FRMD4B: variants seen among roughly 807,000 people sequenced by gnomAD.
FRMD4B encodes FERM domain containing 4B.
A neutral mutation model predicts 141.5 loss-of-function variants in FRMD4B; 74 were observed. The observed-to-expected ratio is 0.52, with a 90% CI of 0.43 to 0.63. FRMD4B has a LOEUF of 0.63. Among genes scored for constraint, FRMD4B ranks in the 30% least tolerant of loss-of-function variants. The probability of loss-of-function intolerance (pLI) is 0.00; values close to 1 mark genes in which losing one functional copy is unlikely to be tolerated. For synonymous variants in FRMD4B, 506 were observed against 467.9 expected, an observed-to-expected ratio of 1.08 and a Z score of -1.05; for missense variants, 1,366 against 1,253.4, an observed-to-expected ratio of 1.09 and a Z score of -1.36.
rs572934765 is a variant in FRMD4B at position 69,426,370 on chromosome 3, C to T, written c.-1+6264G>A. Among the ~76,000 whole-genome samples the T allele has an allele frequency of 2.8e-4, 42 of 151,802 alleles. No homozygotes were observed. In the South Asian group the frequency reaches 7.7e-3, roughly 28 times the overall value. ...TGTGTGTGTGTTGGGTAAAGGATTA[C>T]GGAGATTAACATTCAAAAGACAGTC... On this transcript the variant is annotated intron_variant, in intron 2 of 5. Transcript: ENST00000459638.
intron 1 of FRMD4B, among the ~76,000 whole-genome samples, chr3:69,523,659 G>C (rs1700888643): frequency 6.6e-6 from 1 of 152,122 alleles, no homozygotes; most frequent in South Asian, 2.1e-4. Context: ...ATTTAGCAGT[G>C]TGAGAGGATG....
chr3:69,470,651 A>G (rs927587018), intron 1 of FRMD4B, among the ~76,000 whole-genome samples: 1 of 152,182 alleles, frequency 6.6e-6, no homozygotes, highest in African/African-American at 2.4e-5. Flanking sequence ...TAGAGTTGCA[A>G]CAAGTTATCT....
chr3:69,502,822 TCAAA>T (rs1199859955), intron 1 of FRMD4B, among the ~76,000 whole-genome samples: 1 of 151,732 alleles, frequency 6.6e-6, no homozygotes, highest in Non-Finnish European at 1.5e-5. Flanking sequence ...TACAAAGAAC[TCAAA>T]CAAATTTACA....
At chr3:69,362,626 G>A (rs1441716836) in intron 1 of FRMD4B, among the ~76,000 whole-genome samples, 3 of 151,828 alleles carry the variant, frequency 2.0e-5, no homozygotes, top group Admixed American at 6.6e-5. Flanking sequence ...GCAGTGAGCC[G>A]GGATCGTGCC....
chr3:69,372,161 G>GTGCCAAGCTCCTTCTCATCC (rs1463127131), intron 1 of FRMD4B, among the ~76,000 whole-genome samples: 1 of 152,144 alleles, frequency 6.6e-6, no homozygotes, highest in Non-Finnish European at 1.5e-5. Flanking sequence ...TGGTCTGCAC[G>GTGCCAAGCTCCTTCTCATCC]TGCCAAGCTC....
intron 4 of FRMD4B, among the ~76,000 whole-genome samples, chr3:69,288,218 G>A (rs926308140): frequency 1.2e-4 from 18 of 152,234 alleles, no homozygotes; most frequent in Non-Finnish European, 2.4e-4. Context: ...AGCTGAAGTC[G>A]GCTGAGCAAG....
intron 7 of FRMD4B, among the ~76,000 whole-genome samples, chr3:69,240,406 G>A (rs1032961880): frequency 2.1e-5 from 3 of 146,136 alleles, no homozygotes; most frequent in Non-Finnish European, 4.5e-5. Flanking sequence ...GCTTGAACCC[G>A]GGAGGCGGAG....
At chr3:69,534,687 A>G (rs1206903302) in intron 1 of FRMD4B, among the ~76,000 whole-genome samples, 1 of 152,200 alleles carries the variant, frequency 6.6e-6, no homozygotes, top group Non-Finnish European at 1.5e-5. Context: ...AGCTCATCTC[A>G]AGGCTCCCTT....
At chr3:69,253,323 C>A (rs2093475219) in intron 5 of FRMD4B, among the ~76,000 whole-genome samples, 1 of 150,968 alleles carries the variant, frequency 6.6e-6, no homozygotes, top group Admixed American at 6.6e-5. Context: ...CACTAGTTAA[C>A]TTTTTATGAC....
chr3:69,325,083 AAAAAAG>A (rs1702143327), intron 1 of FRMD4B, among the ~76,000 whole-genome samples: 3 of 143,312 alleles, frequency 2.1e-5, no homozygotes, highest in African/African-American at 8.1e-5. Context: ...TCTAAAAAAA[AAAAAAG>A]AAAGAAAGAA....
In FRMD4B at chr3:69,354,335, A is replaced by C. The variant is rs924779341; in HGVS notation, c.162+31493T>G. 2.6e-5 allele frequency among the ~76,000 whole-genome samples: 4 copies of C among 152,196 alleles called. No individual in the cohort carries two copies. In the East Asian group the frequency reaches 5.8e-4, roughly 22 times the overall value. On this transcript the variant is annotated intron_variant, in intron 1 of 22. Transcript: ENST00000398540. ...CATATAGAATACTGGAAAAATAATA[A>C]ATTTACTTTTTTTAAAAAAAGAGAA...
intron 4 of FRMD4B, among the ~76,000 whole-genome samples, chr3:69,289,412 G>C (rs1377205523): frequency 6.6e-6 from 1 of 152,084 alleles, no homozygotes; most frequent in Non-Finnish European, 1.5e-5. Context: ...ATTTTTCTCC[G>C]GAAACTGCTT....
At chr3:69,201,337 A>T (rs1435806547) in intron 11 of FRMD4B, among the ~76,000 whole-genome samples, 2 of 152,210 alleles carry the variant, frequency 1.3e-5, no homozygotes, top group Non-Finnish European at 2.9e-5. Context: ...TTTATTAATA[A>T]AAATAGGATG....
At chr3:69,189,601 T>C (rs990374843) in intron 18 of FRMD4B, among the ~76,000 whole-genome samples, 4 of 152,164 alleles carry the variant, frequency 2.6e-5, no homozygotes, top group Non-Finnish European at 5.9e-5. Context: ...AAATAAAAAG[T>C]TAAGAAACAC....
At chr3:69,533,752 C>T (rs576807708) in intron 1 of FRMD4B, among the ~76,000 whole-genome samples, 6 of 152,264 alleles carry the variant, frequency 3.9e-5, no homozygotes, top group Non-Finnish European at 7.3e-5. Context: ...CAGGCCCAAG[C>T]GCAGTACCAT....
chr3:69,352,089 C>T (rs1653327801), intron 1 of FRMD4B, among the ~76,000 whole-genome samples: 1 of 152,100 alleles, frequency 6.6e-6, no homozygotes, highest in South Asian at 2.1e-4. Flanking sequence ...TGGAGTGGGA[C>T]TTGGTATATC....
chr3:69,191,151 C>T (rs2092831459), intron 17 of FRMD4B, among the ~76,000 whole-genome samples: 1 of 152,154 alleles, frequency 6.6e-6, no homozygotes, highest in Admixed American at 6.5e-5. Flanking sequence ...AGGCACACTG[C>T]CTCACCCCTG....
At chr3:69,414,861 G>GTTTTTTT (rs5849900) in intron 2 of FRMD4B, among the ~76,000 whole-genome samples, 11 of 98,038 alleles carry the variant, frequency 1.1e-4, no homozygotes, top group South Asian at 4.1e-4. Flanking sequence ...CGAACAAGCT[G>GTTTTTTT]TTTTTTTTTT....
chr3:69,198,793 C>A lies in FRMD4B; in HGVS notation c.877-19G>T. 1 of 1,261,760 alleles carries A rather than the reference C, an allele frequency of 7.9e-7. No individual in the cohort carries two copies. The highest frequency in any genetic ancestry group is 1.1e-6 in the Non-Finnish European group (1 of 881,282). The allele number at this position is 1,261,760 out of a possible 1,614,324, so 78.2% of individuals were successfully genotyped here. Reference sequence around the variant, plus strand: ...GGAATAACTAAAGAAAACAGAAAAGCCAGGAAGTATTATTTATGCTTATTT... The same window carrying A: ...GGAATAACTAAAGAAAACAGAAAAGACAGGAAGTATTATTTATGCTTATTT... On this transcript the variant is annotated intron_variant, in intron 11 of 22. Transcript: ENST00000398540.
Sources: gnomAD v4.1 joint callset for allele counts (sites outside exome capture counted in the v4.1 genomes callset) on GRCh38, gnomAD v4.1.1 for gene constraint, MANE v1.5 for transcripts, NCBI Gene and HGNC (gene_info 2026-07-23, HGNC 2026-07-21) for gene names.